MMAB: variants seen among roughly 807,000 people sequenced by gnomAD.
The protein encoded by MMAB is corrinoid adenosyltransferase MMAB.
Under a neutral mutation model 30.6 loss-of-function variants are expected in MMAB, and 17 were observed. The observed-to-expected ratio is 0.56, with a 90% CI of 0.38 to 0.83. MMAB has a LOEUF of 0.83. Among genes scored for constraint, MMAB ranks in the 40% least tolerant of loss-of-function variants. The probability of loss-of-function intolerance (pLI) is 0.00; values close to 1 mark genes in which losing one functional copy is unlikely to be tolerated. For missense variants in MMAB, 311 were observed against 331.6 expected (o/e 0.94, Z 0.48); for synonymous variants, 134 against 138.6 (o/e 0.97, Z 0.23).
intron 2 of MMAB, among the ~76,000 whole-genome samples, chr12:109,571,033 T>C (rs1047958840): frequency 3.3e-5 from 5 of 152,196 alleles, no homozygotes; most frequent in Admixed American, 2.6e-4. Flanking sequence ...AAAGTCCTTC[T>C]GTTTGTTCCC....
intron 4 of MMAB, 24 bp downstream of exon 4, chr12:109,565,095 C>T (rs2136203824): frequency 6.2e-7 from 1 of 1,606,552 alleles, no homozygotes; most frequent in Non-Finnish European, 8.5e-7. Flanking sequence ...AGATTCCCAG[C>T]TTGGGTGAGA....
Position 109,553,855 on chromosome 12 carries a change from G to A in MMAB, c.*3173C>T, listed in dbSNP as rs552057750. The A allele has an allele frequency of 2.5e-4, 115 of 454,088 alleles. 2 individuals carry two copies. The highest frequency in any genetic ancestry group is 1.7e-3 in the South Asian group (107 of 64,482). 28.1% of individuals were successfully genotyped at this position (454,088 alleles called of 1,614,324 possible). A position where few individuals can be genotyped will look rare whatever the true frequency, so the allele number is the denominator to read the frequency against. ...ACTGAATGGGCTGTCGGAAGGTGTC[G>A]AGGCAGCAGCAAGGGTGACATTGCC... is the stretch of plus-strand genomic sequence containing the variant. On this transcript the variant is annotated 3_prime_UTR_variant, in exon 9 of 9. Transcript: ENST00000545712.
chr12:109,555,023 C>T lies in MMAB; in HGVS notation c.*2005G>A, dbSNP rs763659137. The T allele has an allele frequency of 8.8e-5, 40 of 453,982 alleles. No homozygotes were observed. Among genetic ancestry groups the T allele is most frequent in the Admixed American group, 8.7e-4 (37 of 42,556 alleles). 28.1% of individuals were successfully genotyped at this position (453,982 alleles called of 1,614,324 possible). On this transcript the variant is annotated 3_prime_UTR_variant, in exon 9 of 9. Transcript: ENST00000545712. ...GACACCCGGTCCTGGAAGGACAGGA[C>T]TTGGCAACAGGTGAACGGCCTTGTT...
At chr12:109,565,032 C>T in intron 4 of MMAB, 87 bp downstream of exon 4, 1 of 1,024,996 alleles carries the variant, frequency 9.8e-7, no homozygotes, top group Middle Eastern at 2.4e-4. Flanking sequence ...CCAGGTGACA[C>T]AAAGAGTAAC....
chr12:109,559,704 T>C (rs1222481529), intron 7 of MMAB, among the ~76,000 whole-genome samples: 1 of 152,176 alleles, frequency 6.6e-6, no homozygotes, highest in Non-Finnish European at 1.5e-5. Flanking sequence ...TGGGCACCAG[T>C]GTGGTGGCGG....
chr12:109,559,015 T>A lies in MMAB; in HGVS notation c.644+81A>T. ...TGCGGGAATGCTGCCCCACACTGCT[T>A]CCCGGACCGCTGCACCGCTGCTACT... On this transcript the variant is annotated intron_variant, in intron 8 of 8. Transcript: ENST00000545712. 12 of 1,050,324 alleles carry A rather than the reference T, an allele frequency of 1.1e-5. 1 individual carries two copies. The highest frequency in any genetic ancestry group is 5.1e-5 in the South Asian group (4 of 77,912). The allele number at this position is 1,050,324 out of a possible 1,614,324, so 65.1% of individuals were successfully genotyped here. A position where few individuals can be genotyped will look rare whatever the true frequency, so the allele number is the denominator to read the frequency against.
Position 109,561,928 on chromosome 12 carries a change from C to T in MMAB, c.349-76G>A. On this transcript the variant is annotated intron_variant, in intron 4 of 8. Coordinates refer to ENST00000545712, the MANE Select transcript of MMAB (RefSeq NM_052845.4). The surrounding 1 kb of genome is among the most constrained non-coding windows in gnomAD (Gnocchi z 5.3). ...CAGAGACAATGTGCAGAGGCGCCAC[C>T]TAATACGCCGGCAAAGCCTGTGCCA... 2 of 1,343,024 alleles carry T rather than the reference C, an allele frequency of 1.5e-6. No homozygotes were observed. The highest frequency in any genetic ancestry group is 1.0e-6 in the Non-Finnish European group (1 of 958,680). The allele number at this position is 1,343,024 out of a possible 1,614,324, so 83.2% of individuals were successfully genotyped here.
Position 109,561,630 on chromosome 12 carries a change from G to T in MMAB, c.422-113C>A. Reference sequence around the variant, plus strand: ...GGTGTCCCGCAGACTGCTTCCACTGGCTCAGAAGGTACCTTCCCTCCCAGG... The same window carrying T: ...GGTGTCCCGCAGACTGCTTCCACTGTCTCAGAAGGTACCTTCCCTCCCAGG... On this transcript the variant is annotated intron_variant, in intron 5 of 8. Coordinates refer to ENST00000545712, the MANE Select transcript of MMAB (RefSeq NM_052845.4). This position sits in a 1 kb window ranked among gnomAD's most constrained non-coding sequence, Gnocchi z 5.3. The T allele has an allele frequency of 8.2e-7, 1 of 1,218,672 alleles. No homozygotes were observed. Among genetic ancestry groups the T allele is most frequent in the Non-Finnish European group, 1.2e-6 (1 of 852,852 alleles). The allele number at this position is 1,218,672 out of a possible 1,614,324, so 75.5% of individuals were successfully genotyped here. A position where few individuals can be genotyped will look rare whatever the true frequency, so the allele number is the denominator to read the frequency against.
intron 3 of MMAB, chr12:109,567,283 G>A (rs1340678862): frequency 8.7e-6 from 3 of 345,662 alleles, no homozygotes; most frequent in South Asian, 2.3e-5. Context: ...CAAGAACAGT[G>A]AGATGGGAAT....
At chr12:109,568,934 A>T (rs1430056306) in intron 2 of MMAB, 71 bp from the exon 3 acceptor site, 2 of 1,087,536 alleles carry the variant, frequency 1.8e-6, no homozygotes, top group Non-Finnish European at 2.8e-6. Flanking sequence ...TTTTTTTTTA[A>T]ACTTTCAAAG....
chr12:109,565,920 T>C (rs913484697), intron 3 of MMAB, among the ~76,000 whole-genome samples: 2 of 152,258 alleles, frequency 1.3e-5, no homozygotes, highest in Non-Finnish European at 1.5e-5. Context: ...ACTTCCCTCC[T>C]GCACCAGTCA....
rs764683053 is a variant in MMAB at position 109,571,687 on chromosome 12, G to A, written c.158C>T (p.Pro53Leu). ...TTTGGTGTAAATCTTGGGGATCCTG[G>A]GTGTCTTCGAGGAAGGCTGTGGCCT... Reference protein sequence around the residue: ...GDRPQPSSKTPRIPKIYTKTG... With the variant: ...GDRPQPSSKTLRIPKIYTKTG... The change falls in exon 2 of 9, where the codon CCC becomes CTC. Residue 53 changes from proline (P) to leucine (L), a missense_variant. Pro to Leu is a moderately conservative substitution (Grantham distance 98). Transcript: ENST00000545712. 5.1e-5 allele frequency: 82 copies of A among 1,614,018 alleles called. No individual in the cohort carries two copies. The highest frequency in any genetic ancestry group is 3.3e-4 in the Middle Eastern group (2 of 6,080).
intron 2 of MMAB, chr12:109,570,070 T>C (rs748993874): frequency 7.2e-5 from 22 of 306,650 alleles, no homozygotes; most frequent in Non-Finnish European, 1.4e-4. Context: ...GAGACTAGCC[T>C]GGCCAACATG....
rs946432981 is a variant in MMAB at position 109,554,057 on chromosome 12, A to G, written c.*2971T>C. ...ATCAGAGCCTGGCATTGTTCGCCAC[A>G]GCCCAGGTAGTGATTAAAACGACTG... On this transcript the variant is annotated 3_prime_UTR_variant, in exon 9 of 9. Transcript: ENST00000545712. The G allele has an allele frequency of 2.2e-6, 1 of 454,016 alleles. No homozygotes were observed. Among genetic ancestry groups the G allele is most frequent in the African/African-American group, 2.0e-5 (1 of 50,008 alleles). The allele number at this position is 454,016 out of a possible 1,614,324, so 28.1% of individuals were successfully genotyped here. A position where few individuals can be genotyped will look rare whatever the true frequency, so the allele number is the denominator to read the frequency against.
intron 4 of MMAB, chr12:109,564,877 T>C: frequency 1.6e-6 from 1 of 610,866 alleles, no homozygotes; most frequent in Non-Finnish European, 2.9e-6. Context: ...CAGGGTCTTA[T>C]TATGTTACCT....
Position 109,564,682 on chromosome 12 carries a change from C to G in MMAB, c.348+437G>C, listed in dbSNP as rs912213830. The G allele has an allele frequency of 2.2e-4, 53 of 245,954 alleles. No individual in the cohort carries two copies. In the Admixed American group the frequency reaches 2.6e-3, roughly 12 times the overall value. The allele number at this position is 245,954 out of a possible 1,614,324, so 15.2% of individuals were successfully genotyped here. A position where few individuals can be genotyped will look rare whatever the true frequency, so the allele number is the denominator to read the frequency against. On this transcript the variant is annotated intron_variant, in intron 4 of 8. Coordinates refer to ENST00000545712, the MANE Select transcript of MMAB (RefSeq NM_052845.4). Reference sequence around the variant, plus strand: ...GCTGGGATTACAGGCTTAATTGAACCATGGTGCTCGGCCTGAGACAGGGTC... The same window carrying G: ...GCTGGGATTACAGGCTTAATTGAACGATGGTGCTCGGCCTGAGACAGGGTC...
chr12:109,559,115 C>T lies in MMAB; in HGVS notation c.625G>A (p.Val209Met), dbSNP rs200903284. Residue 209 changes from valine to methionine, a missense_variant, in exon 8 of 9, where the codon GTG becomes ATG. Physicochemically the swap from Val to Met is conservative, Grantham distance 21. Coordinates refer to ENST00000545712, the MANE Select transcript of MMAB (RefSeq NM_052845.4). ...GAGTACCTGTTTAAGAACTTGGCCACGTTCGCATCGGTCTCTCCCATCTGG... is the reference window on the plus strand; with the variant it reads ...GAGTACCTGTTTAAGAACTTGGCCATGTTCGCATCGGTCTCTCCCATCTGG... ...LVQMGETDAN[V>M]AKFLNRLSDY... is the part of the protein sequence containing the mutation. The T allele has an allele frequency of 1.4e-5, 22 of 1,613,744 alleles. No individual in the cohort carries two copies. The highest frequency in any genetic ancestry group is 8.0e-5 in the African/African-American group (6 of 74,906).
Position 109,561,700 on chromosome 12 carries a change from C to T in MMAB, c.421+80G>A. ...TGACCCACCCGTGGGTCCCTGGGGG[C>T]CTGGGATCCCAGATGGTGACCCTAG... On this transcript the variant is annotated intron_variant, in intron 5 of 8. Transcript: ENST00000545712. This position sits in a 1 kb window ranked among gnomAD's most constrained non-coding sequence, Gnocchi z 5.3. 2 of 1,399,886 alleles carry T rather than the reference C, an allele frequency of 1.4e-6. No individual in the cohort carries two copies. The highest frequency in any genetic ancestry group is 2.0e-6 in the Non-Finnish European group (2 of 1,009,456). 86.7% of individuals were successfully genotyped at this position (1,399,886 alleles called of 1,614,324 possible).
Position 109,573,466 on chromosome 12 carries a change from G to T in MMAB, c.15C>A (p.Gly5=). 6.2e-7 allele frequency: 1 copy of T among 1,605,036 alleles called. No individual in the cohort carries two copies. The stretch of plus-strand genomic sequence containing the variant: ...TCCCCAGGCCAAGACGGCTCCCCAG[G>T]CCGCACACAGCCATGAGCCAGGCTG... MAVC[G]LGSRLGLGSR... Residue 5 remains glycine, a synonymous_variant, in exon 1 of 9, where the codon GGC becomes GGA. Coordinates refer to ENST00000545712, the MANE Select transcript of MMAB (RefSeq NM_052845.4).
Sources: gnomAD v4.1 joint callset for allele counts (sites outside exome capture counted in the v4.1 genomes callset) on GRCh38, gnomAD v4.1.1 for gene constraint, Gnocchi (gnomAD v3.1) non-coding constraint, MANE v1.5 for transcripts, NCBI Gene and HGNC (gene_info 2026-07-23, HGNC 2026-07-21) for gene names.